SYNPR: variants seen among roughly 807,000 people sequenced by gnomAD.
SYNPR encodes the protein synaptoporin.
In SYNPR, 23 loss-of-function variants were observed where a neutral mutation model predicts 32.9. That is an observed-to-expected ratio of 0.70 (90% CI 0.50 to 0.99). SYNPR has a LOEUF of 0.99. SYNPR is among the 50% of genes least tolerant of loss of function. The pLI is 0.00. For synonymous variants in SYNPR, 146 were observed against 135.9 expected (o/e 1.07, Z -0.52); for missense variants, 318 against 349.3 (o/e 0.91, Z 0.71).
At chr3:63,203,975 G>A in the SYNPR span, among the ~76,000 whole-genome samples, 1 of 152,004 alleles carries the variant, frequency 6.6e-6, no homozygotes, top group Non-Finnish European at 1.5e-5. Context: ...TTCCATCCTG[G>A]GGCAACAAGA....
intron 3 of SYNPR, among the ~76,000 whole-genome samples, chr3:63,525,168 C>T (rs17068905): frequency 0.22 from 33,753 of 152,024 alleles, 3,796 homozygotes; most frequent in Admixed American, 0.32. Flanking sequence ...CCATGCCCAT[C>T]CATGTATGTA....
chr3:63,525,691 C>T (rs1019201983), intron 3 of SYNPR, among the ~76,000 whole-genome samples: 28 of 152,296 alleles, frequency 1.8e-4, no homozygotes, highest in Non-Finnish European at 4.0e-4. Flanking sequence ...GTTTAGAGAA[C>T]CAGAGAGAAT....
intron 2 of SYNPR, among the ~76,000 whole-genome samples, chr3:63,376,302 T>C (rs1437937434): frequency 6.6e-6 from 1 of 152,250 alleles, no homozygotes; most frequent in Non-Finnish European, 1.5e-5. Context: ...TTATAACTTG[T>C]ATTAGTTATA....
intron 3 of SYNPR, among the ~76,000 whole-genome samples, chr3:63,517,927 G>A (rs1018785831): frequency 2.0e-5 from 3 of 152,256 alleles, no homozygotes; most frequent in East Asian, 1.9e-4. Context: ...TTATAGCATA[G>A]TATGGCAAGG....
chr3:63,379,352 G>C (rs2087936157), intron 2 of SYNPR, among the ~76,000 whole-genome samples: 1 of 152,022 alleles, frequency 6.6e-6, no homozygotes, highest in African/African-American at 2.4e-5. Flanking sequence ...TGATATTCTT[G>C]AGTTATTCTA....
At chr3:63,389,471 T>C (rs1308318728) in intron 2 of SYNPR, among the ~76,000 whole-genome samples, 1 of 152,204 alleles carries the variant, frequency 6.6e-6, no homozygotes, top group East Asian at 1.9e-4. Context: ...CTCTTACCAG[T>C]AATTCCAGCC....
chr3:63,287,688 T>C (rs151019092), intron 2 of SYNPR, among the ~76,000 whole-genome samples: 8 of 152,272 alleles, frequency 5.3e-5, no homozygotes, highest in East Asian at 1.9e-4. Context: ...ATAAAGAATA[T>C]GTAAATGAAT....
intron 1 of SYNPR, among the ~76,000 whole-genome samples, chr3:63,248,701 A>C (rs2086309375): frequency 6.6e-6 from 1 of 152,144 alleles, no homozygotes; most frequent in African/African-American, 2.4e-5. Flanking sequence ...TATGTGAAAT[A>C]GATGCTCTGC....
intron 2 of SYNPR, chr3:63,444,293 T>C (rs1463536362): frequency 6.6e-6 from 1 of 152,242 alleles, no homozygotes; most frequent in East Asian, 1.9e-4. Flanking sequence ...GTTCTTTTTG[T>C]TCGAGAGTAA....
chr3:63,337,401 C>A (rs2087309150), intron 2 of SYNPR, among the ~76,000 whole-genome samples: 1 of 152,102 alleles, frequency 6.6e-6, no homozygotes, highest in Non-Finnish European at 1.5e-5. Context: ...AGGGACTCTT[C>A]ATTCACTGAT....
intron 3 of SYNPR, among the ~76,000 whole-genome samples, chr3:63,489,065 C>G (rs1701208391): frequency 6.6e-6 from 1 of 151,966 alleles, no homozygotes. Context: ...ATATTGAGAC[C>G]AGGATTTGAG....
At chr3:63,480,117 C>T (rs577095527) in intron 2 of SYNPR, among the ~76,000 whole-genome samples, 2 of 152,290 alleles carry the variant, frequency 1.3e-5, no homozygotes, top group South Asian at 4.1e-4. Context: ...TCTAGGAGAC[C>T]TCTCAGAGTC....
chr3:63,397,897 G>C (rs2088237773), intron 2 of SYNPR, among the ~76,000 whole-genome samples: 1 of 152,132 alleles, frequency 6.6e-6, no homozygotes, highest in South Asian at 2.1e-4. Flanking sequence ...AATAAAAAGT[G>C]ACATTGAGAC....
At chr3:63,317,478 T>C (rs2087055571) in intron 2 of SYNPR, among the ~76,000 whole-genome samples, 1 of 152,032 alleles carries the variant, frequency 6.6e-6, no homozygotes. Flanking sequence ...CCTTTTACCA[T>C]TATATAATGT....
intron 4 of SYNPR, among the ~76,000 whole-genome samples, chr3:63,576,974 G>C (rs1702993432): frequency 6.6e-6 from 1 of 151,858 alleles, no homozygotes. Flanking sequence ...TTTTAACCTA[G>C]TCAAACTGGC....
rs117293431 is a variant in SYNPR at position 63,417,045 on chromosome 3, A to C, written c.85-63787A>C. ...TAACTCATTTCAGCATTAACTCGAA[A>C]ATCCACAGTCCAAAATCTCATCTGA... On this transcript the variant is annotated intron_variant, in intron 2 of 5. Transcript: ENST00000478300. Among the ~76,000 whole-genome samples, 2,037 of 152,292 alleles carry C rather than the reference A, an allele frequency of 0.013. 111 individuals are homozygous for C. In the East Asian group the frequency reaches 0.2, roughly 15 times the overall value.
intron 4 of SYNPR, among the ~76,000 whole-genome samples, chr3:63,579,942 A>G (rs147170762): frequency 1.6e-3 from 240 of 152,170 alleles, no homozygotes; most frequent in Admixed American, 5.0e-3. Flanking sequence ...TGTTCATTTT[A>G]AAAATATTAA....
upstream of SYNPR, among the ~76,000 whole-genome samples, chr3:63,274,754 A>G (rs549465137): frequency 6.6e-6 from 1 of 152,256 alleles, no homozygotes; most frequent in Admixed American, 6.5e-5. Flanking sequence ...GTTTTGAGTA[A>G]CTGTCCTCTG....
chr3:63,575,955 C>T (rs572834001), intron 4 of SYNPR, among the ~76,000 whole-genome samples: 1 of 152,258 alleles, frequency 6.6e-6, no homozygotes, highest in Admixed American at 6.5e-5. Context: ...TGCAAATAAA[C>T]ATTTCTTCAT....
Sources: allele counts gnomAD v4.1 joint callset (sites outside exome capture counted in the v4.1 genomes callset), GRCh38; gene constraint gnomAD v4.1.1; transcripts MANE v1.5; gene names NCBI Gene and HGNC (gene_info 2026-07-23, HGNC 2026-07-21).